ERCC4: variants seen among roughly 807,000 people sequenced by gnomAD.
ERCC4 encodes ERCC excision repair 4, endonuclease catalytic subunit, also known as DNA repair endonuclease XPF.
In ERCC4, 65 loss-of-function variants were observed where a neutral mutation model predicts 76.9. That is an observed-to-expected ratio of 0.84 (90% confidence interval 0.69 to 1.04). The LOEUF is 1.04. ERCC4 is among the 50% of genes least tolerant of loss of function. The pLI, the probability that ERCC4 is intolerant of heterozygous loss-of-function variation, is 0.00. For missense variants in ERCC4, 1,214 were observed against 1,128.2 expected (o/e 1.08, Z -1.09); for synonymous variants, 463 against 410.1 (o/e 1.13, Z -1.56).
intron 2 of ERCC4, 148 bp downstream of exon 2, chr16:13,922,359 G>C: frequency 1.3e-6 from 1 of 765,432 alleles, no homozygotes; most frequent in Non-Finnish European, 2.3e-6. Context: ...GGGGTCGTGG[G>C]GCAGCACCCA....
At chr16:13,930,636 T>A in intron 4 of ERCC4, 74 bp from the exon 5 acceptor site, 1 of 1,098,974 alleles carries the variant, frequency 9.1e-7, no homozygotes, top group Non-Finnish European at 1.4e-6. Flanking sequence ...ATAATCCTTT[T>A]GAAAGTATGA....
At chr16:13,945,621 T>G (rs2032498780) in intron 10 of ERCC4, among the ~76,000 whole-genome samples, 1 of 152,170 alleles carries the variant, frequency 6.6e-6, no homozygotes, top group Non-Finnish European at 1.5e-5. Flanking sequence ...TAACCCTCAA[T>G]TCATAGAAAT....
intron 3 of ERCC4, 76 bp from the exon 4 acceptor site, chr16:13,927,952 G>A: frequency 1.1e-6 from 1 of 951,090 alleles, no homozygotes; most frequent in Non-Finnish European, 1.7e-6. Context: ...TTATAAAAAT[G>A]GGGTGTTAAA....
chr16:13,938,785 T>TTTGC (rs2032355873), intron 9 of ERCC4, among the ~76,000 whole-genome samples: 2 of 152,206 alleles, frequency 1.3e-5, no homozygotes, highest in African/African-American at 4.8e-5. Context: ...TCAAAATGGA[T>TTTGC]AACCATTCTG....
intron 2 of ERCC4, among the ~76,000 whole-genome samples, chr16:13,924,280 C>T (rs978963869): frequency 3.3e-5 from 5 of 152,192 alleles, no homozygotes; most frequent in Non-Finnish European, 7.3e-5. Flanking sequence ...TCCCTGCTAA[C>T]CAGAACTCCT....
At chr16:13,927,888 G>T in intron 3 of ERCC4, 140 bp from the exon 4 acceptor site, 2 of 673,810 alleles carry the variant, frequency 3.0e-6, no homozygotes, top group East Asian at 5.4e-5. Flanking sequence ...TGAAAATGTT[G>T]TTGCTTTGCT....
At chr16:13,922,264 TAAGTACAATTTCCA>T in intron 2 of ERCC4, 53 bp downstream of exon 2, 4 of 1,167,504 alleles carry the variant, frequency 3.4e-6, no homozygotes, top group Non-Finnish European at 5.0e-6. Context: ...TTTTTTTTTT[TAAGTACAATTTCCA>T]TTTTATTTTT....
rs1183410923 is a variant in ERCC4, at chr16:13,951,224, T to C, written c.*2877T>C. 5.4e-6 allele frequency: 1 copy of C among 185,606 alleles called. No homozygotes were observed. The highest frequency in any genetic ancestry group is 2.3e-5 in the African/African-American group (1 of 42,714). The allele number at this position is 185,606 out of a possible 1,614,324, so 11.5% of individuals were successfully genotyped here. A position where few individuals can be genotyped will look rare whatever the true frequency, so the allele number is the denominator to read the frequency against. ...CTAGAGATGCATGCAGTTGCAAAAT[T>C]AATGTATTTATTTTCCAGCATAATT... is the stretch of plus-strand genomic sequence containing the variant. On this transcript the variant is annotated 3_prime_UTR_variant, in exon 11 of 11. Coordinates refer to ENST00000311895, the MANE Select transcript of ERCC4 (RefSeq NM_005236.3).
chr16:13,931,578 G>C (rs2032172895), intron 5 of ERCC4: 1 of 156,742 alleles, frequency 6.4e-6, no homozygotes, highest in Non-Finnish European at 1.4e-5. Context: ...GCATTCTTAT[G>C]TAAAACTCTT....
chr16:13,928,375 T>C (rs2032109894), intron 4 of ERCC4, 140 bp downstream of exon 4: 1 of 651,330 alleles, frequency 1.5e-6, no homozygotes, highest in Admixed American at 2.7e-5. Context: ...ACATAGCTTC[T>C]TTGGTTTACT....
chr16:13,946,751 TG>T lies in ERCC4; in HGVS notation c.2018-862del, dbSNP rs1308992539. 3.7e-3 allele frequency among the ~76,000 whole-genome samples: 560 copies of T among 151,906 alleles called. 2 individuals carry two copies. The highest frequency in any genetic ancestry group is 0.013 in the African/African-American group (525 of 41,462). ...TAAATACAACATCTGTTTTTTTGTTTGTTTGTTTGTTTGTTTGTTTGTTTTT... is the reference window on the plus strand; with the variant it reads ...TAAATACAACATCTGTTTTTTTGTTTTTTGTTTGTTTGTTTGTTTGTTTTT... On this transcript the variant is annotated intron_variant, in intron 10 of 10. Transcript: ENST00000311895.
At position 13,928,050 on chromosome 16, in the gene ERCC4, T is replaced by A. The variant is rs1805922764; in HGVS notation, c.607T>A (p.Phe203Ile). The A allele has an allele frequency of 1.9e-6, 3 of 1,613,430 alleles. No homozygotes were observed. The highest frequency in any genetic ancestry group is 2.5e-6 in the Non-Finnish European group (3 of 1,179,636). Reference sequence around the variant, plus strand: ...TAGGTTCCATGTAGCAGTAAACTCATTTTTAGAACAGCACAAACCTGAAGT... The same window carrying A: ...TAGGTTCCATGTAGCAGTAAACTCAATTTTAGAACAGCACAAACCTGAAGT... Reference protein sequence around the residue: ...WPRFHVAVNSFLEQHKPEVVE... With the variant: ...WPRFHVAVNSILEQHKPEVVE... Residue 203 changes from phenylalanine (F) to isoleucine (I), a missense_variant, in exon 4 of 11, where the codon TTT becomes ATT. Physicochemically the swap from Phe to Ile is conservative, Grantham distance 21. Transcript: ENST00000311895.
Position 13,951,368 on chromosome 16 carries a change from T to G in ERCC4, c.*3021T>G, listed in dbSNP as rs767067212. 15 of 197,656 alleles carry G rather than the reference T, an allele frequency of 7.6e-5. No individual in the cohort carries two copies. Among genetic ancestry groups the G allele is most frequent in the Middle Eastern group, 1.7e-3 (1 of 596 alleles). The allele number at this position is 197,656 out of a possible 1,614,324, so 12.2% of individuals were successfully genotyped here. ...AGCATTTTTCTATTTTACAAGTTTT[T>G]TGTATAAAAAGGTGAACATATGAGA... On this transcript the variant is annotated 3_prime_UTR_variant, in exon 11 of 11. Coordinates refer to ENST00000311895, the MANE Select transcript of ERCC4 (RefSeq NM_005236.3).
At chr16:13,944,627 A>G (rs973658597) in intron 9 of ERCC4, 96 bp from the exon 10 acceptor site, 1 of 816,886 alleles carries the variant, frequency 1.2e-6, no homozygotes, top group Non-Finnish European at 2.1e-6. Context: ...TACTGCTATC[A>G]TCATGTAGAT....
At chr16:13,946,837 T>G (rs749177527) in intron 10 of ERCC4, among the ~76,000 whole-genome samples, 2 of 152,176 alleles carry the variant, frequency 1.3e-5, no homozygotes, top group Non-Finnish European at 2.9e-5. Flanking sequence ...CTCGGCTAAC[T>G]GCAACCTCCA....
At chr16:13,923,782 C>G (rs1297590640) in intron 2 of ERCC4, among the ~76,000 whole-genome samples, 1 of 152,154 alleles carries the variant, frequency 6.6e-6, no homozygotes, top group African/African-American at 2.4e-5. Context: ...CTTTTGTAAC[C>G]AGAAATCTTG....
At position 13,937,789 on chromosome 16, in the gene ERCC4, G is replaced by T; in HGVS notation, c.1835G>T (p.Gly612Val). The T allele has an allele frequency of 1.2e-6, 2 of 1,613,000 alleles. No individual in the cohort carries two copies. Among genetic ancestry groups the T allele is most frequent in the South Asian group, 1.1e-5 (1 of 91,060 alleles). The change falls in exon 9 of 11, where the codon GGT (glycine) becomes GTT (valine). Residue 612 changes from glycine to valine, a missense_variant. Coordinates refer to ENST00000311895, the MANE Select transcript of ERCC4 (RefSeq NM_005236.3). ...PLRVYFLIYG[G>V]STEEQRYLTA... is the part of the protein sequence containing the mutation. Reference sequence around the variant, plus strand: ...AGGGTTTACTTTCTTATATACGGAGGTTCAACTGAGGAACAACGCTATCTC... The same window carrying T: ...AGGGTTTACTTTCTTATATACGGAGTTTCAACTGAGGAACAACGCTATCTC...
Position 13,948,182 on chromosome 16 carries a change from C to T in ERCC4, c.2586C>T (p.Asn862=), listed in dbSNP as rs778051880. The change falls in exon 11 of 11, where the codon AAC becomes AAT. Residue 862 remains asparagine, a synonymous_variant. Coordinates refer to ENST00000311895, the MANE Select transcript of ERCC4 (RefSeq NM_005236.3). Reference sequence around the variant, plus strand: ...AAATGCCAGGGGTGAATGCCAAAAACTGCCGCTCCTTGATGCACCACGTTA... The same window carrying T: ...AAATGCCAGGGGTGAATGCCAAAAATTGCCGCTCCTTGATGCACCACGTTA... The part of the protein sequence containing the change: ...LLKMPGVNAK[N]CRSLMHHVKN... 6.2e-7 allele frequency: 1 copy of T among 1,614,182 alleles called. No individual in the cohort carries two copies. The highest frequency in any genetic ancestry group is 8.5e-7 in the Non-Finnish European group (1 of 1,180,026).
chr16:13,939,592 A>G lies in ERCC4; in HGVS notation c.1904+1734A>G, dbSNP rs3136178. Among the ~76,000 whole-genome samples, 976 of 152,222 alleles carry G rather than the reference A, an allele frequency of 6.4e-3. 6 individuals are homozygous for G. Among genetic ancestry groups the G allele is most frequent in the African/African-American group, 0.022 (906 of 41,522 alleles). On this transcript the variant is annotated intron_variant, in intron 9 of 10. Transcript: ENST00000311895. ...AAGGCGTGCACGAAGGCTCCCAGGT[A>G]CAAGAGGCCCTGTAAAGGATTTAGG...
Sources: gnomAD v4.1 joint callset for allele counts (sites outside exome capture counted in the v4.1 genomes callset) on GRCh38, gnomAD v4.1.1 for gene constraint, MANE v1.5 for transcripts, NCBI Gene and HGNC (gene_info 2026-07-23, HGNC 2026-07-21) for gene names.